ELF1: variants seen among roughly 807,000 people sequenced by gnomAD.
ELF1 encodes the protein E74 like ETS transcription factor 1.
In ELF1, 24 loss-of-function variants were observed where a neutral mutation model predicts 59.9. The observed-to-expected ratio is 0.40, with a 90% CI of 0.29 to 0.56. ELF1 has a LOEUF of 0.56. Ranked by LOEUF, ELF1 falls within the 20% of genes least tolerant of loss-of-function variation. The probability of loss-of-function intolerance (pLI) is 0.44; values close to 1 mark genes in which losing one functional copy is unlikely to be tolerated. For synonymous variants in ELF1, 248 were observed against 266.2 expected, an observed-to-expected ratio of 0.93 and a Z score of 0.67; for missense variants, 627 against 742.2, an observed-to-expected ratio of 0.84 and a Z score of 1.80.
intron 1 of ELF1, among the ~76,000 whole-genome samples, chr13:41,012,530 T>C (rs1875131667): frequency 1.3e-5 from 2 of 149,948 alleles, no homozygotes; most frequent in Non-Finnish European, 1.5e-5. Context: ...GTTTGATTTT[T>C]TTTTCTTTTC....
chr13:40,948,112 G>T (rs562775168), intron 5 of ELF1, among the ~76,000 whole-genome samples: 1 of 152,242 alleles, frequency 6.6e-6, no homozygotes, highest in Non-Finnish European at 1.5e-5. Context: ...AATAAATGAG[G>T]CAAGTCCTAT....
chr13:40,949,903 T>C lies in ELF1; in HGVS notation c.432A>G (p.Leu144=). The change falls in exon 5 of 9, where the codon TTA becomes TTG. Residue 144 remains leucine, a synonymous_variant. Transcript: ENST00000239882. ...VAPVTHVSVT[L]DGIPEVMETQ... ...TTTCCATCACTTCAGGAATCCCATC[T>C]AATGTGACGGACACATGGGTGACTG... 1 of 1,614,176 alleles carries C rather than the reference T, an allele frequency of 6.2e-7. No homozygotes were observed. The highest frequency in any genetic ancestry group is 2.2e-5 in the East Asian group (1 of 44,888).
At chr13:40,973,080 A>G (rs1872675483) in intron 2 of ELF1, among the ~76,000 whole-genome samples, 1 of 152,210 alleles carries the variant, frequency 6.6e-6, no homozygotes, top group African/African-American at 2.4e-5. Context: ...AATAAAGTAG[A>G]ATAGGGCAAA....
At chr13:41,054,562 C>T (rs1476616339) in intron 1 of ELF1, among the ~76,000 whole-genome samples, 1 of 152,212 alleles carries the variant, frequency 6.6e-6, no homozygotes, top group African/African-American at 2.4e-5. Context: ...ATCTGTGCTT[C>T]ATAACTTCTC....
In ELF1 at chr13:40,932,057, TAAAC is replaced by T. The variant is rs2138092543; in HGVS notation, c.*1364_*1367del. The T allele has an allele frequency of 6.6e-6, 1 of 152,310 alleles. No homozygotes were observed. The highest frequency in any genetic ancestry group is 2.4e-5 in the African/African-American group (1 of 41,578). The allele number at this position is 152,310 out of a possible 1,614,324, so 9.4% of individuals were successfully genotyped here. A position where few individuals can be genotyped will look rare whatever the true frequency, so the allele number is the denominator to read the frequency against. On this transcript the variant is annotated 3_prime_UTR_variant, in exon 9 of 9. Transcript: ENST00000239882. ...AATTTTTATATGATTTATTTAATAA[TAAAC>T]CAATTAAAGATACAAAAATGTTTAG...
rs1228085691 is a variant in ELF1 at position 40,982,123 on chromosome 13, C to T, written c.-69G>A. ...AGATTCACGTATCAGGCAGCAAAAT[C>T]CAGTGACTGATTTGGGTAAAAAACC... On this transcript the variant is annotated 5_prime_UTR_variant, in exon 2 of 9. Transcript: ENST00000239882. 6.4e-7 allele frequency: 1 copy of T among 1,574,660 alleles called. No homozygotes were observed. Among genetic ancestry groups the T allele is most frequent in the African/African-American group, 1.4e-5 (1 of 73,438 alleles).
At chr13:41,000,631 T>TA (rs987260428) in intron 1 of ELF1, among the ~76,000 whole-genome samples, 45 of 152,256 alleles carry the variant, frequency 3.0e-4, no homozygotes, top group Non-Finnish European at 3.5e-4. Context: ...TTACTAGATT[T>TA]AAAAAAATAC....
intron 1 of ELF1, among the ~76,000 whole-genome samples, chr13:41,000,222 C>T (rs890347212): frequency 1.5e-5 from 2 of 136,716 alleles, no homozygotes; most frequent in Non-Finnish European, 3.1e-5. Flanking sequence ...CCAAATGAGG[C>T]TGCATTGAAC....
At chr13:40,986,115 GT>G (rs1490638656) in intron 1 of ELF1, among the ~76,000 whole-genome samples, 1 of 152,160 alleles carries the variant, frequency 6.6e-6, no homozygotes, top group Non-Finnish European at 1.5e-5. Flanking sequence ...TAGCAACAAG[GT>G]TCCTAACCTG....
In ELF1 at chr13:41,060,914, T is replaced by TGCTGCCGCTGCCGCC. The variant is rs878930377; in HGVS notation, c.-306_-305insGGCGGCAGCGGCAGC. The TGCTGCCGCTGCCGCC allele has an allele frequency of 5.8e-5, 20 of 344,882 alleles. 1 individual carries two copies. Among genetic ancestry groups the TGCTGCCGCTGCCGCC allele is most frequent in the African/African-American group, 3.9e-4 (17 of 43,968 alleles). 21.4% of individuals were successfully genotyped at this position (344,882 alleles called of 1,614,324 possible). ...GCCTCTGCGCTACTGAAGCTGCTGC[T>TGCTGCCGCTGCCGCC]GCCGCCGCCGCCGCCGCCGCCGCCG... On this transcript the variant is annotated 5_prime_UTR_variant, in exon 1 of 2. Transcript: ENST00000405737.
At chr13:40,958,788 C>A (rs1396647304) in intron 3 of ELF1, 48 bp downstream of exon 3, 2 of 1,567,370 alleles carry the variant, frequency 1.3e-6, no homozygotes, top group Non-Finnish European at 1.7e-6. Flanking sequence ...TAGGACACTG[C>A]CTAAAGCTGT....
intron 2 of ELF1, among the ~76,000 whole-genome samples, chr13:40,973,673 T>C (rs954182947): frequency 2.0e-5 from 3 of 151,936 alleles, no homozygotes; most frequent in Admixed American, 6.6e-5. Context: ...AAGGCTATTC[T>C]AGGTGATTGA....
intron 5 of ELF1, among the ~76,000 whole-genome samples, chr13:40,945,987 G>C (rs1870481942): frequency 6.6e-6 from 1 of 152,064 alleles, no homozygotes; most frequent in African/African-American, 2.4e-5. Flanking sequence ...GGGATTACAG[G>C]CACGTACCAC....
At chr13:41,053,247 A>G (rs963281124) in intron 1 of ELF1, among the ~76,000 whole-genome samples, 1 of 151,882 alleles carries the variant, frequency 6.6e-6, no homozygotes, top group African/African-American at 2.4e-5. Flanking sequence ...CCAGCTACTC[A>G]TGAGGCTGAG....
intron 2 of ELF1, among the ~76,000 whole-genome samples, chr13:40,971,494 T>G (rs1331335381): frequency 6.6e-6 from 1 of 152,202 alleles, no homozygotes; most frequent in East Asian, 1.9e-4. Context: ...CAAGCGATCT[T>G]TCTGCCTTGG....
At chr13:40,989,815 GA>G (rs2138297768) in intron 1 of ELF1, among the ~76,000 whole-genome samples, 1 of 152,218 alleles carries the variant, frequency 6.6e-6, no homozygotes, top group East Asian at 1.9e-4. Context: ...TAGGTAAAAT[GA>G]TAAAACTGAT....
intron 1 of ELF1, among the ~76,000 whole-genome samples, chr13:40,995,669 A>C (rs1874093898): frequency 6.6e-6 from 1 of 152,088 alleles, no homozygotes; most frequent in South Asian, 2.1e-4. Flanking sequence ...CATTAAAAAA[A>C]AAAAAAAGAA....
rs1875588522 is a variant in ELF1, at chr13:41,019,216, G to C, written c.-229+12C>G. On this transcript the variant is annotated intron_variant, in intron 1 of 8. Coordinates refer to ENST00000239882, the MANE Select transcript of ELF1 (RefSeq NM_172373.4). ...AAGCCAGAAGCAAACATACAAAATT[G>C]TAACAAGTTACCTTCAAGTATTCTT... 1 of 985,314 alleles carries C rather than the reference G, an allele frequency of 1.0e-6. No individual in the cohort carries two copies. The highest frequency in any genetic ancestry group is 1.7e-5 in the African/African-American group (1 of 57,236). 61.0% of individuals were successfully genotyped at this position (985,314 alleles called of 1,614,324 possible). A position where few individuals can be genotyped will look rare whatever the true frequency, so the allele number is the denominator to read the frequency against.
chr13:40,996,145 CA>C (rs1363898313), intron 1 of ELF1, among the ~76,000 whole-genome samples: 3 of 152,098 alleles, frequency 2.0e-5, no homozygotes, highest in Non-Finnish European at 4.4e-5. Context: ...TTAGAATGGC[CA>C]AAATCCAGAA....
Sources: gnomAD v4.1 joint callset for allele counts (sites outside exome capture counted in the v4.1 genomes callset) on GRCh38, gnomAD v4.1.1 for gene constraint, MANE v1.5 for transcripts, NCBI Gene and HGNC (gene_info 2026-07-23, HGNC 2026-07-21) for gene names.